Variants in ATRNL1 observed in about 807,000 individuals in gnomAD.
The protein encoded by ATRNL1 is attractin-like protein 1.
ATRNL1 carries 95 observed loss-of-function variants against 182.7 expected under a neutral mutation model. The ratio of observed to expected loss-of-function variants is 0.52; its 90% CI spans 0.44 to 0.62. ATRNL1 has a LOEUF of 0.62. ATRNL1 is among the 20% of genes least tolerant of loss of function. The probability of loss-of-function intolerance (pLI) is 0.00; values close to 1 mark genes in which losing one functional copy is unlikely to be tolerated. For missense variants in ATRNL1, 1,471 were observed against 1,679.5 expected (o/e 0.88, Z 2.17); for synonymous variants, 576 against 568.3 (o/e 1.01, Z -0.19).
intron 26 of ATRNL1, among the ~76,000 whole-genome samples, chr10:115,607,677 C>A (rs1162796853): frequency 6.6e-6 from 1 of 151,698 alleles, no homozygotes; most frequent in African/African-American, 2.4e-5. Context: ...TAGTTCCATT[C>A]TTATTTGTTC....
At chr10:115,175,259 A>G (rs1219094085) in intron 8 of ATRNL1, among the ~76,000 whole-genome samples, 1 of 152,070 alleles carries the variant, frequency 6.6e-6, no homozygotes, top group African/African-American at 2.4e-5. Context: ...GCCATCAGAC[A>G]TAATGGTGGT....
At chr10:115,404,349 G>A (rs974702331) in intron 20 of ATRNL1, among the ~76,000 whole-genome samples, 78 of 152,164 alleles carry the variant, frequency 5.1e-4, no homozygotes, top group Non-Finnish European at 1.6e-4. Flanking sequence ...CTGTCCGGTA[G>A]ACAGAAGTAA....
At chr10:115,850,117 A>G (rs963483380) in intron 28 of ATRNL1, among the ~76,000 whole-genome samples, 2 of 152,148 alleles carry the variant, frequency 1.3e-5, no homozygotes, top group African/African-American at 4.8e-5. Flanking sequence ...TTGCAGCATT[A>G]TCTGTTATCT....
intron 24 of ATRNL1, among the ~76,000 whole-genome samples, chr10:115,486,622 C>T (rs1554975202): frequency 6.6e-6 from 1 of 151,594 alleles, no homozygotes; most frequent in Non-Finnish European, 1.5e-5. Context: ...TGTTTAAATT[C>T]CTTGTAGTCT....
intron 28 of ATRNL1, among the ~76,000 whole-genome samples, chr10:115,939,347 A>G (rs1246986126): frequency 6.6e-6 from 1 of 152,196 alleles, no homozygotes; most frequent in Non-Finnish European, 1.5e-5. Flanking sequence ...CCAAGAGACC[A>G]TGGAAAATTG....
intron 24 of ATRNL1, among the ~76,000 whole-genome samples, chr10:115,497,013 G>T (rs1168628441): frequency 6.6e-6 from 1 of 151,928 alleles, no homozygotes; most frequent in African/African-American, 2.4e-5. Flanking sequence ...TGTAGATTTG[G>T]TTTCTTTACA....
chr10:115,308,232 C>G (rs1277631453), intron 17 of ATRNL1, among the ~76,000 whole-genome samples: 1 of 151,972 alleles, frequency 6.6e-6, no homozygotes, highest in Admixed American at 6.6e-5. Context: ...CTAATGGTTT[C>G]TGAGAAAGCT....
At chr10:115,692,474 C>T (rs1037589105) in intron 26 of ATRNL1, among the ~76,000 whole-genome samples, 1 of 151,966 alleles carries the variant, frequency 6.6e-6, no homozygotes, top group Non-Finnish European at 1.5e-5. Context: ...AGGTGAAGGT[C>T]GCTGCATTAC....
At chr10:115,614,884 A>G (rs1857354406) in intron 26 of ATRNL1, among the ~76,000 whole-genome samples, 1 of 151,678 alleles carries the variant, frequency 6.6e-6, no homozygotes, top group African/African-American at 2.4e-5. Context: ...TCTTTTTCTC[A>G]TCCCTTCATT....
At chr10:115,845,003 A>ATT (rs146458390) in intron 27 of ATRNL1, among the ~76,000 whole-genome samples, 8,904 of 152,024 alleles carry the variant, frequency 0.059, 768 homozygotes, top group African/African-American at 0.19. Flanking sequence ...CTATAAAGAG[A>ATT]TGTTTGGGTT....
At chr10:115,933,605 A>G (rs1953470176) in intron 28 of ATRNL1, among the ~76,000 whole-genome samples, 2 of 152,224 alleles carry the variant, frequency 1.3e-5, no homozygotes, top group South Asian at 4.1e-4. Flanking sequence ...TGACATTAGC[A>G]GCCACCTACT....
chr10:115,237,577 CTTG>C (rs1262046070), intron 9 of ATRNL1, among the ~76,000 whole-genome samples: 1 of 152,002 alleles, frequency 6.6e-6, no homozygotes, highest in Non-Finnish European at 1.5e-5. Flanking sequence ...TAAAATTGAG[CTTG>C]TTTTTTATTG....
At chr10:115,389,896 G>A (rs1212765206) in intron 19 of ATRNL1, among the ~76,000 whole-genome samples, 3 of 151,926 alleles carry the variant, frequency 2.0e-5, no homozygotes, top group Admixed American at 6.6e-5. Flanking sequence ...ACTTAAACAC[G>A]TGTGAGGTGA....
intron 28 of ATRNL1, among the ~76,000 whole-genome samples, chr10:115,924,884 G>T (rs1555119622): frequency 6.6e-6 from 1 of 152,170 alleles, no homozygotes; most frequent in Non-Finnish European, 1.5e-5. Flanking sequence ...CATGAACATG[G>T]AATGTTTTTC....
At chr10:115,578,858 C>T (rs1172783902) in intron 26 of ATRNL1, among the ~76,000 whole-genome samples, 4 of 151,520 alleles carry the variant, frequency 2.6e-5, no homozygotes, top group Non-Finnish European at 4.4e-5. Flanking sequence ...ACATTTTTCA[C>T]TTTAAGCTTT....
intron 27 of ATRNL1, among the ~76,000 whole-genome samples, chr10:115,834,301 TA>T (rs1214226369): frequency 1.3e-5 from 2 of 152,230 alleles, no homozygotes; most frequent in East Asian, 3.8e-4. Context: ...TCAGATATTT[TA>T]AAGCTTCCTG....
At chr10:115,729,441 G>A (rs1271317307) in intron 27 of ATRNL1, among the ~76,000 whole-genome samples, 3 of 149,576 alleles carry the variant, frequency 2.0e-5, no homozygotes, top group Non-Finnish European at 4.4e-5. Context: ...TTTTATTGAT[G>A]TTAACACTGA....
intron 26 of ATRNL1, among the ~76,000 whole-genome samples, chr10:115,653,923 CT>C (rs1860164466): frequency 6.6e-6 from 1 of 152,114 alleles, no homozygotes; most frequent in South Asian, 2.1e-4. Context: ...TGATCACATC[CT>C]TTTTTATGTG....
intron 8 of ATRNL1, among the ~76,000 whole-genome samples, chr10:115,204,961 A>G (rs565596517): frequency 1.4e-4 from 22 of 152,138 alleles, no homozygotes; most frequent in Middle Eastern, 3.4e-3. Flanking sequence ...TAGTGTTTCA[A>G]TCTTATAGTT....
Sources: allele counts gnomAD v4.1 joint callset (sites outside exome capture counted in the v4.1 genomes callset), GRCh38; gene constraint gnomAD v4.1.1; transcripts MANE v1.5; gene names NCBI Gene and HGNC (gene_info 2026-07-23, HGNC 2026-07-21).